RSF1: variants seen among roughly 807,000 people sequenced by gnomAD.
The protein encoded by RSF1 is HBV pX-associated protein 8.
A neutral mutation model predicts 145.2 loss-of-function variants in RSF1; 13 were observed. The ratio of observed to expected loss-of-function variants is 0.09; its 90% CI spans 0.06 to 0.14. The LOEUF is 0.14. Among genes scored for constraint, RSF1 ranks in the 10% least tolerant of loss-of-function variants. The probability of loss-of-function intolerance (pLI) is 1.00; values close to 1 mark genes in which losing one functional copy is unlikely to be tolerated. For synonymous variants in RSF1, 577 were observed against 592.6 expected, an observed-to-expected ratio of 0.97 and a Z score of 0.38; for missense variants, 1,517 against 1,718.2, an observed-to-expected ratio of 0.88 and a Z score of 2.07.
chr11:77,845,579 C>A, the RSF1 span, among the ~76,000 whole-genome samples: 1 of 151,944 alleles, frequency 6.6e-6, no homozygotes, highest in Non-Finnish European at 1.5e-5. Flanking sequence ...TACAGGTGCA[C>A]CCCACCATGT....
At chr11:77,751,441 C>T (rs1948062773) in intron 2 of RSF1, among the ~76,000 whole-genome samples, 2 of 146,090 alleles carry the variant, frequency 1.4e-5, no homozygotes, top group African/African-American at 2.4e-5. Flanking sequence ...CAGACCTCCC[C>T]TTCCCATTTA....
chr11:77,791,113 C>A (rs1256575539), intron 1 of RSF1, among the ~76,000 whole-genome samples: 1 of 152,234 alleles, frequency 6.6e-6, no homozygotes, highest in Non-Finnish European at 1.5e-5. Flanking sequence ...GGACCCTGCC[C>A]CTGCAGCAAA....
At chr11:77,707,615 AG>A (rs1960580528) in intron 5 of RSF1, among the ~76,000 whole-genome samples, 1 of 152,244 alleles carries the variant, frequency 6.6e-6, no homozygotes. Context: ...AAAAGCAGTG[AG>A]ATTTTTAATT....
chr11:77,752,862 A>G (rs1328120074), intron 2 of RSF1, among the ~76,000 whole-genome samples: 1 of 152,140 alleles, frequency 6.6e-6, no homozygotes, highest in East Asian at 1.9e-4. Context: ...TGCTGATAAA[A>G]CAGGTTGCAG....
chr11:77,758,980 T>C (rs557248894), intron 2 of RSF1, among the ~76,000 whole-genome samples: 1 of 152,378 alleles, frequency 6.6e-6, no homozygotes, highest in East Asian at 1.9e-4. Flanking sequence ...TTTTTTATGT[T>C]GTTGCTCAGT....
chr11:77,782,902 A>T (rs538251474), intron 1 of RSF1, among the ~76,000 whole-genome samples: 1 of 152,314 alleles, frequency 6.6e-6, no homozygotes, highest in African/African-American at 2.4e-5. Context: ...AACTAAAATT[A>T]TTTGTTTAAT....
chr11:77,843,423 A>G, the RSF1 span, among the ~76,000 whole-genome samples: 2 of 152,160 alleles, frequency 1.3e-5, no homozygotes, highest in African/African-American at 2.4e-5. Context: ...GAGAGGCACT[A>G]AAGTCCTGCT....
the RSF1 span, chr11:77,872,110 T>C: frequency 1.3e-6 from 2 of 1,530,118 alleles, no homozygotes; most frequent in Non-Finnish European, 1.8e-6. Context: ...ACCTGCCTCA[T>C]GGCAGTAAAG....
intron 15 of RSF1, among the ~76,000 whole-genome samples, chr11:77,667,990 A>G (rs2135805670): frequency 6.6e-6 from 1 of 151,798 alleles, no homozygotes; most frequent in East Asian, 1.9e-4. Context: ...GGCATGAGCC[A>G]CTGTGCCTGA....
the RSF1 span, among the ~76,000 whole-genome samples, chr11:77,844,653 TG>T: frequency 6.6e-6 from 1 of 152,168 alleles, no homozygotes. Context: ...TGAGCCATCA[TG>T]CCCAGCCAGA....
rs1959222247 is a variant in RSF1, at chr11:77,660,575, AC to A, written c.*6341del. On this transcript the variant is annotated 3_prime_UTR_variant, in exon 16 of 16. Transcript: ENST00000308488. ...AGAAACCAAATAAAACATTCTGAGA[AC>A]CTATTCCAGGAATATTTTTTTTAAC... 1 of 152,144 alleles carries A rather than the reference AC, an allele frequency of 6.6e-6. No individual in the cohort carries two copies. Among genetic ancestry groups the A allele is most frequent in the Non-Finnish European group, 1.5e-5 (1 of 68,012 alleles). The allele number at this position is 152,144 out of a possible 1,614,324, so 9.4% of individuals were successfully genotyped here. A position where few individuals can be genotyped will look rare whatever the true frequency, so the allele number is the denominator to read the frequency against.
rs746708497 is a variant in RSF1 at position 77,698,645 on chromosome 11, T to C, written c.2557A>G (p.Arg853Gly). The stretch of plus-strand genomic sequence containing the variant: ...TCATCATTGCTGGAATATTTCCATC[T>C]GCCACGTGTCCGAGAACCAGTCCAT... ...VRWTGSRTRGRWKYSSNDESE... is the reference protein window; with the variant it reads ...VRWTGSRTRGGWKYSSNDESE... The change falls in exon 7 of 16, where the codon AGA becomes GGA. Residue 853 changes from arginine to glycine, a missense_variant. Arg to Gly is a moderately radical substitution (Grantham distance 125). This residue lies in a region of RSF1 where 579 missense variants were observed against 553.5 expected (regional missense o/e 1.05). Transcript: ENST00000308488. 1 of 1,614,218 alleles carries C rather than the reference T, an allele frequency of 6.2e-7. No individual in the cohort carries two copies. The highest frequency in any genetic ancestry group is 1.1e-5 in the South Asian group (1 of 91,088).
At chr11:77,668,548 C>T (rs1038304973) in intron 15 of RSF1, among the ~76,000 whole-genome samples, 1 of 152,100 alleles carries the variant, frequency 6.6e-6, no homozygotes, top group Admixed American at 6.6e-5. Flanking sequence ...TATAGTTGGG[C>T]CCCCCTATCC....
At chr11:77,829,873 T>G in the RSF1 span, 1 of 152,274 alleles carries the variant, frequency 6.6e-6, no homozygotes, top group Non-Finnish European at 1.5e-5. Context: ...TGTTCATGCT[T>G]GTAATCCCAG....
At chr11:77,784,725 A>G (rs982450064) in intron 1 of RSF1, among the ~76,000 whole-genome samples, 2 of 152,194 alleles carry the variant, frequency 1.3e-5, no homozygotes, top group African/African-American at 4.8e-5. Context: ...GTTTACTACA[A>G]TGAATCAATT....
At chr11:77,816,260 AC>A (rs1948780878) in intron 1 of RSF1, among the ~76,000 whole-genome samples, 1 of 152,204 alleles carries the variant, frequency 6.6e-6, no homozygotes. Context: ...TAGTACATGC[AC>A]CTGGTAAAAT....
At chr11:77,810,766 C>T (rs1590901342) in intron 1 of RSF1, among the ~76,000 whole-genome samples, 1 of 152,036 alleles carries the variant, frequency 6.6e-6, no homozygotes, top group Admixed American at 6.6e-5. Flanking sequence ...ACCATGTTGG[C>T]GAGGCTGGAA....
chr11:77,688,677 C>T (rs1332929247), intron 9 of RSF1, among the ~76,000 whole-genome samples: 1 of 152,064 alleles, frequency 6.6e-6, no homozygotes, highest in African/African-American at 2.4e-5. Flanking sequence ...GTAGTCCCTC[C>T]TACTTGGGAG....
chr11:77,848,602 C>T, the RSF1 span, among the ~76,000 whole-genome samples: 2 of 152,068 alleles, frequency 1.3e-5, no homozygotes, highest in South Asian at 2.1e-4. Context: ...TCAGGTGATC[C>T]GCCTGCTTTG....
Sources: gnomAD v4.1 joint callset for allele counts (sites outside exome capture counted in the v4.1 genomes callset) on GRCh38, gnomAD v4.1.1 for gene constraint, gnomAD v4.1.1 regional missense constraint, MANE v1.5 for transcripts, NCBI Gene and HGNC (gene_info 2026-07-23, HGNC 2026-07-21) for gene names.